Variants in MBOAT2 observed in about 807,000 individuals in gnomAD.
MBOAT2 encodes membrane bound glycerophospholipid O-acyltransferase 2.
Under a neutral mutation model 63.4 loss-of-function variants are expected in MBOAT2, and 28 were observed. The ratio of observed to expected loss-of-function variants is 0.44; its 90% CI spans 0.33 to 0.61. MBOAT2 has a LOEUF of 0.61. MBOAT2 is among the 20% of genes least tolerant of loss of function. The pLI, the probability that MBOAT2 is intolerant of heterozygous loss-of-function variation, is 0.03. For synonymous variants in MBOAT2, 211 were observed against 215.6 expected (o/e 0.98, Z 0.19); for missense variants, 470 against 605.8 (o/e 0.78, Z 2.35).
At chr2:8,887,130 C>T (rs963072385) in intron 5 of MBOAT2, among the ~76,000 whole-genome samples, 1 of 152,210 alleles carries the variant, frequency 6.6e-6, no homozygotes, top group African/African-American at 2.4e-5. Flanking sequence ...CAACCACATC[C>T]TCATGTTCCC....
intron 4 of MBOAT2, among the ~76,000 whole-genome samples, chr2:8,900,650 G>T (rs1300029663): frequency 6.6e-6 from 1 of 152,184 alleles, no homozygotes; most frequent in African/African-American, 2.4e-5. Context: ...ATCATTAATA[G>T]AAAGGGGAGC....
chr2:8,955,384 T>C (rs958431663), intron 2 of MBOAT2, among the ~76,000 whole-genome samples: 1 of 152,164 alleles, frequency 6.6e-6, no homozygotes, highest in Admixed American at 6.5e-5. Context: ...AGGTGAGTCA[T>C]AGAGAAGGTC....
At chr2:8,991,237 C>T (rs1161071745) in intron 1 of MBOAT2, among the ~76,000 whole-genome samples, 1 of 152,142 alleles carries the variant, frequency 6.6e-6, no homozygotes, top group Non-Finnish European at 1.5e-5. Context: ...CTTATCAAGA[C>T]CTTTCCAAGT....
At position 8,852,741 on chromosome 2, in the gene MBOAT2, A is replaced by T. The variant is rs1029626756; in HGVS notation, c.*5938T>A. On this transcript the variant is annotated 3_prime_UTR_variant, in exon 13 of 13. Coordinates refer to ENST00000305997, the MANE Select transcript of MBOAT2 (RefSeq NM_138799.4). ...TGTAAAGACACACAAATTAGAAAAA[A>T]AAAACATGTCCTAAACATGTTACAT... 6.6e-6 allele frequency: 1 copy of T among 152,212 alleles called. No homozygotes were observed. Among genetic ancestry groups the T allele is most frequent in the African/African-American group, 2.4e-5 (1 of 41,442 alleles). The allele number at this position is 152,212 out of a possible 1,614,324, so 9.4% of individuals were successfully genotyped here.
At chr2:8,866,036 CAAATAAATAAAT>C (rs375237404) in intron 9 of MBOAT2, among the ~76,000 whole-genome samples, 21 of 151,700 alleles carry the variant, frequency 1.4e-4, no homozygotes, top group Admixed American at 4.6e-4. Context: ...GACTTTGTCT[CAAATAAATAAAT>C]AAATAAATAA....
intron 2 of MBOAT2, among the ~76,000 whole-genome samples, chr2:8,953,949 T>C (rs1359585317): frequency 1.3e-5 from 2 of 152,252 alleles, no homozygotes; most frequent in Non-Finnish European, 1.5e-5. Flanking sequence ...TTAGGGTCCA[T>C]TGCTGGAGAT....
At chr2:8,909,603 A>C (rs1378671422) in intron 3 of MBOAT2, among the ~76,000 whole-genome samples, 19 of 152,258 alleles carry the variant, frequency 1.2e-4, no homozygotes, top group Admixed American at 1.2e-3. Flanking sequence ...TTGACCAAAT[A>C]AAAATCTTTG....
Position 9,003,498 on chromosome 2 carries a change from C to T in MBOAT2, c.75+42G>A. 1.7e-6 allele frequency: 2 copies of T among 1,160,010 alleles called. No individual in the cohort carries two copies. Among genetic ancestry groups the T allele is most frequent in the Non-Finnish European group, 1.1e-6 (1 of 939,520 alleles). 71.9% of individuals were successfully genotyped at this position (1,160,010 alleles called of 1,614,324 possible). A position where few individuals can be genotyped will look rare whatever the true frequency, so the allele number is the denominator to read the frequency against. On this transcript the variant is annotated intron_variant, in intron 1 of 12. Transcript: ENST00000305997. This position sits in a 1 kb window ranked among gnomAD's most constrained non-coding sequence, Gnocchi z 5.4. Reference sequence around the variant, plus strand: ...CGGGTGGCACCGCGGCGGGGAGGGGCGGCGAGGGCGCGACGCCCGGCGCCA... The same window carrying T: ...CGGGTGGCACCGCGGCGGGGAGGGGTGGCGAGGGCGCGACGCCCGGCGCCA...
intron 4 of MBOAT2, among the ~76,000 whole-genome samples, chr2:8,892,789 AAAGT>A (rs1309503158): frequency 1.3e-5 from 2 of 151,994 alleles, no homozygotes; most frequent in African/African-American, 4.8e-5. Context: ...GGAAGAGAGA[AAAGT>A]AAGTTCAACA....
At chr2:8,912,355 A>AAGAAAGAAAGAAAGAAAGAAAG (rs1665811116) in intron 3 of MBOAT2, among the ~76,000 whole-genome samples, 5 of 93,986 alleles carry the variant, frequency 5.3e-5, no homozygotes, top group African/African-American at 2.1e-4. Context: ...AAGAAAGAGA[A>AAGAAAGAAAGAAAGAAAGAAAG]AGAAAGAAAG....
intron 3 of MBOAT2, among the ~76,000 whole-genome samples, chr2:8,938,672 C>T (rs752607309): frequency 2.0e-5 from 3 of 151,368 alleles, no homozygotes; most frequent in African/African-American, 4.9e-5. Context: ...CATTTCATGC[C>T]GTGTCTCATG....
intron 4 of MBOAT2, among the ~76,000 whole-genome samples, chr2:8,893,385 G>A (rs896543534): frequency 1.3e-5 from 2 of 152,150 alleles, no homozygotes; most frequent in African/African-American, 4.8e-5. Flanking sequence ...ATAAGAGTCA[G>A]AACACTTAAT....
intron 4 of MBOAT2, among the ~76,000 whole-genome samples, chr2:8,890,479 C>G (rs1269272579): frequency 2.0e-5 from 3 of 152,156 alleles, no homozygotes; most frequent in Non-Finnish European, 4.4e-5. Context: ...CACTGAATCT[C>G]CAGCATGTAG....
chr2:8,977,610 T>C (rs1408597148), intron 1 of MBOAT2, among the ~76,000 whole-genome samples: 1 of 152,166 alleles, frequency 6.6e-6, no homozygotes, highest in Non-Finnish European at 1.5e-5. Context: ...CATCCAGTCC[T>C]ATATGGCTCT....
At chr2:8,986,258 G>A (rs1305286782) in intron 1 of MBOAT2, among the ~76,000 whole-genome samples, 2 of 151,096 alleles carry the variant, frequency 1.3e-5, no homozygotes, top group African/African-American at 2.4e-5. Flanking sequence ...TCAGTCTGGA[G>A]GAAGCTAAGG....
chr2:8,925,266 C>T (rs1666854993), intron 3 of MBOAT2, among the ~76,000 whole-genome samples: 2 of 152,176 alleles, frequency 1.3e-5, no homozygotes, highest in African/African-American at 4.8e-5. Flanking sequence ...GTCCAGATCT[C>T]CCCACCTGCC....
At chr2:8,949,730 G>A (rs1184823135) in intron 2 of MBOAT2, among the ~76,000 whole-genome samples, 1 of 151,964 alleles carries the variant, frequency 6.6e-6, no homozygotes, top group Non-Finnish European at 1.5e-5. Context: ...ATGCTGTTTT[G>A]GTTACTGCAT....
intron 4 of MBOAT2, among the ~76,000 whole-genome samples, chr2:8,892,789 A>C (rs1664099479): frequency 6.6e-6 from 1 of 151,994 alleles, no homozygotes; most frequent in Non-Finnish European, 1.5e-5. Flanking sequence ...GGAAGAGAGA[A>C]AAGTAAGTTC....
intron 3 of MBOAT2, among the ~76,000 whole-genome samples, chr2:8,932,236 A>G (rs773406759): frequency 6.6e-6 from 1 of 152,214 alleles, no homozygotes; most frequent in South Asian, 2.1e-4. Flanking sequence ...TTTAAAGTCT[A>G]TGTTTATTAG....
Sources: allele counts gnomAD v4.1 joint callset (sites outside exome capture counted in the v4.1 genomes callset), GRCh38; gene constraint gnomAD v4.1.1; non-coding constraint Gnocchi (gnomAD v3.1); transcripts MANE v1.5; gene names NCBI Gene and HGNC (gene_info 2026-07-23, HGNC 2026-07-21).